MEF2A: variants seen among roughly 807,000 people sequenced by gnomAD.
The protein encoded by MEF2A is myocyte-specific enhancer factor 2A.
MEF2A carries 28 observed loss-of-function variants against 55.8 expected under a neutral mutation model. That is an observed-to-expected ratio of 0.50 (90% CI 0.37 to 0.69). The LOEUF is 0.69. MEF2A is among the 30% of genes least tolerant of loss of function. The pLI is 0.00. For synonymous variants in MEF2A, 239 were observed against 227.1 expected (o/e 1.05, Z -0.47); for missense variants, 528 against 626.2 (o/e 0.84, Z 1.67).
intron 1 of MEF2A, among the ~76,000 whole-genome samples, chr15:99,590,609 A>G (rs1372168329): frequency 1.3e-5 from 2 of 151,672 alleles, no homozygotes; most frequent in Non-Finnish European, 2.9e-5. Flanking sequence ...TTTTAAAAAT[A>G]TGCATTCCAT....
chr15:99,653,229 T>A (rs1051510781), intron 4 of MEF2A, among the ~76,000 whole-genome samples: 1 of 152,182 alleles, frequency 6.6e-6, no homozygotes, highest in Non-Finnish European at 1.5e-5. Flanking sequence ...TATATATAGA[T>A]GGGTAATGCG....
At chr15:99,581,067 G>A (rs917558878) in intron 1 of MEF2A, among the ~76,000 whole-genome samples, 10 of 151,952 alleles carry the variant, frequency 6.6e-5, no homozygotes, top group South Asian at 4.1e-4. Context: ...TTGGAATTGT[G>A]TAGAAGTTCT....
At chr15:99,675,374 T>C (rs746882300) in intron 6 of MEF2A, 25 bp from the exon 7 acceptor site, 1 of 1,607,318 alleles carries the variant, frequency 6.2e-7, no homozygotes, top group Admixed American at 1.7e-5. Flanking sequence ...CTCTGCCCTC[T>C]GTCTTCTCTC....
intron 1 of MEF2A, among the ~76,000 whole-genome samples, chr15:99,575,780 G>T (rs1964081854): frequency 6.6e-6 from 1 of 152,130 alleles, no homozygotes; most frequent in Non-Finnish European, 1.5e-5. Flanking sequence ...CCATTTATTA[G>T]TGGGCATTCT....
rs566901505 is a variant in MEF2A at position 99,610,502 on chromosome 15, C to G, written c.-143+11991C>G. 4.5e-5 allele frequency among the ~76,000 whole-genome samples: 6 copies of G among 132,540 alleles called. No homozygotes were observed. The South Asian group carries it at 1.4e-3, about 31-fold the overall frequency. The allele number at this position is 132,540 out of a possible 152,430, so 87.0% of individuals were successfully genotyped here. On this transcript the variant is annotated intron_variant, in intron 2 of 11. Coordinates refer to ENST00000557942, the MANE Select transcript of MEF2A (RefSeq NM_001319206.4). Reference sequence around the variant, plus strand: ...AGATACTTAGAATAGCCAAAACAATCTTTAAAAAGGATAAAGTTGGAGGCC... The same window carrying G: ...AGATACTTAGAATAGCCAAAACAATGTTTAAAAAGGATAAAGTTGGAGGCC...
intron 5 of MEF2A, among the ~76,000 whole-genome samples, chr15:99,673,123 A>G (rs569218902): frequency 6.6e-6 from 1 of 152,274 alleles, no homozygotes; most frequent in Admixed American, 6.5e-5. Flanking sequence ...GCATTTCCAC[A>G]TGTCAGGTTT....
intron 2 of MEF2A, among the ~76,000 whole-genome samples, chr15:99,616,756 C>A (rs1401873997): frequency 6.6e-6 from 1 of 151,952 alleles, no homozygotes; most frequent in African/African-American, 2.4e-5. Flanking sequence ...CTTTTGGGTA[C>A]CGGATATCTG....
intron 8 of MEF2A, chr15:99,690,770 G>A: frequency 2.4e-6 from 1 of 420,900 alleles, no homozygotes; most frequent in South Asian, 1.8e-5. Context: ...TGGAGATAGA[G>A]AATAGAATGA....
At chr15:99,704,165 A>G (rs1400884542) in intron 9 of MEF2A, among the ~76,000 whole-genome samples, 1 of 152,228 alleles carries the variant, frequency 6.6e-6, no homozygotes, top group Non-Finnish European at 1.5e-5. Flanking sequence ...AGCATGGACA[A>G]AGGTTAAGAG....
At chr15:99,662,975 T>C (rs753318217) in intron 4 of MEF2A, among the ~76,000 whole-genome samples, 2 of 152,218 alleles carry the variant, frequency 1.3e-5, no homozygotes, top group Non-Finnish European at 2.9e-5. Flanking sequence ...AAACCATGCA[T>C]TTATACCTTT....
chr15:99,598,925 C>A (rs1045754697), intron 2 of MEF2A, among the ~76,000 whole-genome samples: 5 of 151,958 alleles, frequency 3.3e-5, no homozygotes, highest in African/African-American at 1.2e-4. Flanking sequence ...ACATGCATGT[C>A]TAGCCATATC....
At chr15:99,666,182 C>G (rs2049652288) in intron 4 of MEF2A, among the ~76,000 whole-genome samples, 1 of 152,092 alleles carries the variant, frequency 6.6e-6, no homozygotes, top group South Asian at 2.1e-4. Context: ...GACTGGGAAT[C>G]AACCCAAATG....
intron 10 of MEF2A, 44 bp from the exon 11 acceptor site, chr15:99,710,590 T>G: frequency 6.3e-7 from 1 of 1,587,646 alleles, no homozygotes; most frequent in South Asian, 1.1e-5. Context: ...AGATTCCGTA[T>G]GGACCTTCCA....
At chr15:99,574,173 C>T (rs928447752) in intron 1 of MEF2A, among the ~76,000 whole-genome samples, 4 of 152,132 alleles carry the variant, frequency 2.6e-5, no homozygotes, top group Admixed American at 2.0e-4. Context: ...TTTGCTTTGT[C>T]GTTCTTGCTC....
chr15:99,628,218 T>G (rs1167499771), intron 2 of MEF2A, among the ~76,000 whole-genome samples: 1 of 152,178 alleles, frequency 6.6e-6, no homozygotes, highest in Non-Finnish European at 1.5e-5. Context: ...TGTATATGTA[T>G]CTAGTGTCTG....
chr15:99,584,571 C>G (rs1345892504), intron 1 of MEF2A, among the ~76,000 whole-genome samples: 1 of 152,130 alleles, frequency 6.6e-6, no homozygotes, highest in Non-Finnish European at 1.5e-5. Context: ...TGAAAGAAGC[C>G]AGCCACAAAA....
At chr15:99,590,164 A>G (rs1968762970) in intron 1 of MEF2A, among the ~76,000 whole-genome samples, 1 of 151,832 alleles carries the variant, frequency 6.6e-6, no homozygotes, top group Admixed American at 6.6e-5. Context: ...GTGTTTTGGA[A>G]CTTTATCATT....
chr15:99,586,485 T>C (rs1251294491), intron 1 of MEF2A, among the ~76,000 whole-genome samples: 6 of 152,236 alleles, frequency 3.9e-5, no homozygotes, highest in Admixed American at 3.3e-4. Flanking sequence ...TTTTTAAGTT[T>C]AATGTTCACA....
At chr15:99,572,629 C>A (rs1223918622) in intron 1 of MEF2A, among the ~76,000 whole-genome samples, 1 of 152,148 alleles carries the variant, frequency 6.6e-6, no homozygotes, top group Non-Finnish European at 1.5e-5. Context: ...TATCTTTGTT[C>A]CTGTTTTTTG....
Sources: allele counts gnomAD v4.1 joint callset (sites outside exome capture counted in the v4.1 genomes callset), GRCh38; gene constraint gnomAD v4.1.1; transcripts MANE v1.5; gene names NCBI Gene and HGNC (gene_info 2026-07-23, HGNC 2026-07-21).